PCSK1: variants seen among roughly 807,000 people sequenced by gnomAD.
PCSK1 encodes proprotein convertase subtilisin/kexin type 1.
Under a neutral mutation model 90.6 loss-of-function variants are expected in PCSK1, and 56 were observed. That is an observed-to-expected ratio of 0.62 (90% CI 0.50 to 0.77). The LOEUF (loss-of-function observed/expected upper bound fraction) is 0.77. PCSK1 is among the 30% of genes least tolerant of loss of function. PCSK1 has a pLI of 0.00. For missense variants in PCSK1, 801 were observed against 932.6 expected (o/e 0.86, Z 1.84); for synonymous variants, 348 against 342.4 (o/e 1.02, Z -0.18).
chr5:96,413,963 CAAAAAAAAAAAAAAAA>C lies in PCSK1; in HGVS notation c.710-1489_710-1474del, dbSNP rs61316405. The stretch of plus-strand genomic sequence containing the variant: ...TGAAACCCTGTCTCCACTAAAAATA[CAAAAAAAAAAAAAAAA>C]AAAAAAAAAATTAGCCGGGCGTAGT... On this transcript the variant is annotated intron_variant, in intron 6 of 13. Coordinates refer to ENST00000311106, the MANE Select transcript of PCSK1 (RefSeq NM_000439.5). 3.1e-4 allele frequency among the ~76,000 whole-genome samples: 7 copies of C among 22,436 alleles called. No homozygotes were observed. In the Admixed American group the frequency reaches 4.1e-3, roughly 13 times the overall value. The allele number at this position is 22,436 out of a possible 152,430, so 14.7% of individuals were successfully genotyped here.
intron 8 of PCSK1, among the ~76,000 whole-genome samples, chr5:96,408,861 C>T (rs770790206): frequency 6.6e-6 from 1 of 152,142 alleles, no homozygotes; most frequent in Admixed American, 6.5e-5. Context: ...AGATTTGATA[C>T]CTGTGAGTTG....
In PCSK1 at chr5:96,421,993, TAAAAAAA is replaced by T. The variant is rs11317408; in HGVS notation, c.544-44_544-38del. 2,159 of 357,274 alleles carry T rather than the reference TAAAAAAA, an allele frequency of 6.0e-3. 5 individuals are homozygous for T. Among genetic ancestry groups the T allele is most frequent in the Middle Eastern group, 9.0e-3 (11 of 1,226 alleles). The allele number at this position is 357,274 out of a possible 1,614,324, so 22.1% of individuals were successfully genotyped here. On this transcript the variant is annotated intron_variant, in intron 4 of 13. Transcript: ENST00000311106. ...ACAAAATATAACACTGTGGCAGCAT[TAAAAAAA>T]AAAAAAAAAAAAAAAAAAAGCATCA...
Position 96,394,751 on chromosome 5 carries a change from C to T in PCSK1, c.1884+113G>A, listed in dbSNP as rs965738049. Reference sequence around the variant, plus strand: ...ATAGTTTACCACTATCACTTCTTATCCTCCCCATCCATGTTTGACTTATTT... The same window carrying T: ...ATAGTTTACCACTATCACTTCTTATTCTCCCCATCCATGTTTGACTTATTT... On this transcript the variant is annotated intron_variant, in intron 13 of 13. Coordinates refer to ENST00000311106, the MANE Select transcript of PCSK1 (RefSeq NM_000439.5). 6.7e-6 allele frequency: 6 copies of T among 895,874 alleles called. No homozygotes were observed. The African/African-American group carries it at 8.2e-5, about 12-fold the overall frequency. 55.5% of individuals were successfully genotyped at this position (895,874 alleles called of 1,614,324 possible).
intron 9 of PCSK1, among the ~76,000 whole-genome samples, 181 bp from the exon 10 acceptor site, chr5:96,400,367 C>T (rs1203129540): frequency 2.6e-5 from 4 of 152,226 alleles, no homozygotes. Flanking sequence ...GAATACAGAG[C>T]TGAAAACTTC....
rs199684712 is a variant in PCSK1, at chr5:96,393,134, G to C, written c.2129C>G (p.Pro710Arg). 5 of 1,614,172 alleles carry C rather than the reference G, an allele frequency of 3.1e-6. No homozygotes were observed. The highest frequency in any genetic ancestry group is 3.3e-4 in the Middle Eastern group (2 of 6,062). The change falls in exon 14 of 14, where the codon CCT becomes CGT. Residue 710 changes from proline to arginine, a missense_variant. Coordinates refer to ENST00000311106, the MANE Select transcript of PCSK1 (RefSeq NM_000439.5). ...FYEALEKLNK[P>R]SQLKDSEDSL... is the part of the protein sequence containing the mutation. ...GTCTTCAGAGTCTTTAAGCTGGGAA[G>C]GTTTGTTCAGCTTTTCCAGGGCTTC...
Position 96,432,856 on chromosome 5 carries a change from C to A in PCSK1, c.180+7G>T. 6.2e-7 allele frequency: 1 copy of A among 1,612,800 alleles called. No individual in the cohort carries two copies. The highest frequency in any genetic ancestry group is 8.5e-7 in the Non-Finnish European group (1 of 1,179,644). ...CCAGAAAGTTTCTTGAAAGTGGAAA[C>A]TCTTACCTGACCCAAAAGGTCATAG... On this transcript the variant is annotated splice_region_variant and intron_variant, in intron 1 of 13. Coordinates refer to ENST00000311106, the MANE Select transcript of PCSK1 (RefSeq NM_000439.5).
intron 3 of PCSK1, among the ~76,000 whole-genome samples, chr5:96,425,004 AAAGAAAAGAAAGAAAGAAAGAAAGAAAG>A (rs1405546974): frequency 1.3e-4 from 16 of 127,904 alleles, no homozygotes; most frequent in African/African-American, 3.7e-4. Context: ...AAAGAGAAAG[AAAGAAAAGAAAGAAAGAAAGAAAGAAAG>A]AAAGAAAGAA....
intron 12 of PCSK1, among the ~76,000 whole-genome samples, chr5:96,396,613 TA>T (rs1760158980): frequency 6.6e-6 from 1 of 152,120 alleles, no homozygotes. Flanking sequence ...TGCTGATATT[TA>T]TTACACTTTT....
intron 12 of PCSK1, among the ~76,000 whole-genome samples, chr5:96,396,344 T>C (rs1241424259): frequency 1.3e-5 from 2 of 152,198 alleles, no homozygotes; most frequent in Non-Finnish European, 2.9e-5. Flanking sequence ...GTAAATCACC[T>C]GAGGTAAGGA....
rs896651218 is a variant in PCSK1 at position 96,393,013 on chromosome 5, A to T, written c.2250T>A (p.Asn750Lys). 6.2e-7 allele frequency: 1 copy of T among 1,614,198 alleles called. No individual in the cohort carries two copies. The highest frequency in any genetic ancestry group is 1.6e-4 in the Middle Eastern group (1 of 6,062). Residue 750 changes from asparagine (N) to lysine (K), a missense_variant, in exon 14 of 14, where the codon AAT becomes AAA. Transcript: ENST00000311106. ...RLLQALVDIL[N>K]EEN Reference sequence around the variant, plus strand: ...CCACACACTTATTTTAATTTTCCTCATTCAGAATGTCCACCAGAGCTTGAA... The same window carrying T: ...CCACACACTTATTTTAATTTTCCTCTTTCAGAATGTCCACCAGAGCTTGAA...
At chr5:96,429,004 T>C (rs1761404244) in intron 2 of PCSK1, among the ~76,000 whole-genome samples, 1 of 152,160 alleles carries the variant, frequency 6.6e-6, no homozygotes, top group South Asian at 2.1e-4. Context: ...TGTGTAAAAT[T>C]AACTTTGGCT....
At chr5:96,432,762 C>T (rs926113236) in intron 1 of PCSK1, 101 bp downstream of exon 1, 3 of 920,908 alleles carry the variant, frequency 3.3e-6, no homozygotes, top group East Asian at 5.0e-5. Flanking sequence ...CTACTCTGGG[C>T]TCTGGAGAGT....
intron 9 of PCSK1, among the ~76,000 whole-genome samples, chr5:96,403,392 C>T (rs1321003503): frequency 6.6e-6 from 1 of 152,068 alleles, no homozygotes; most frequent in East Asian, 1.9e-4. Context: ...TTAGGTATAT[C>T]TCCTAATGCT....
intron 8 of PCSK1, among the ~76,000 whole-genome samples, chr5:96,410,345 ACT>A (rs1429131368): frequency 6.6e-6 from 1 of 151,644 alleles, no homozygotes; most frequent in African/African-American, 2.4e-5. Context: ...GCTGGTGTAG[ACT>A]CTGTATTTTT....
chr5:96,410,126 G>A (rs1760705618), intron 8 of PCSK1, among the ~76,000 whole-genome samples: 1 of 152,032 alleles, frequency 6.6e-6, no homozygotes, highest in Non-Finnish European at 1.5e-5. Context: ...GCCCCTAAAT[G>A]CCCCTCCATC....
intron 2 of PCSK1, among the ~76,000 whole-genome samples, chr5:96,426,833 C>A (rs1016116942): frequency 6.6e-6 from 1 of 152,086 alleles, no homozygotes; most frequent in South Asian, 2.1e-4. Flanking sequence ...AAATAATTTG[C>A]AACTGAAGGA....
chr5:96,401,715 C>T (rs865899243), intron 9 of PCSK1, among the ~76,000 whole-genome samples: 15 of 152,170 alleles, frequency 9.9e-5, no homozygotes, highest in African/African-American at 2.9e-4. Context: ...TTCTAACATG[C>T]GGGAAACTCA....
chr5:96,412,840 C>A, intron 6 of PCSK1: 3 of 533,846 alleles, frequency 5.6e-6, no homozygotes, highest in South Asian at 4.7e-5. Flanking sequence ...GGAGCAGCAT[C>A]CTTGGATGAG....
chr5:96,419,310 GAT>G (rs757569748), intron 5 of PCSK1, among the ~76,000 whole-genome samples: 2,060 of 142,144 alleles, frequency 0.014, 38 homozygotes, highest in African/African-American at 0.049. Flanking sequence ...TATTAAGTGA[GAT>G]ATATATATAT....
Sources: allele counts gnomAD v4.1 joint callset (sites outside exome capture counted in the v4.1 genomes callset), GRCh38; gene constraint gnomAD v4.1.1; transcripts MANE v1.5; gene names NCBI Gene and HGNC (gene_info 2026-07-23, HGNC 2026-07-21).